Variants in IL9 observed in about 807,000 individuals in gnomAD.
The protein encoded by IL9 is interleukin-9.
IL9 carries 16 observed loss-of-function variants against 12.9 expected under a neutral mutation model. The ratio of observed to expected loss-of-function variants is 1.24; its 90% CI spans 0.84 to 1.88. The LOEUF (loss-of-function observed/expected upper bound fraction) is 1.88, where lower values mean the gene tolerates loss of function less well. Ranked by LOEUF, IL9 falls within the 40% of genes most tolerant of loss-of-function variation. The probability of loss-of-function intolerance (pLI) is 0.00; values close to 1 mark genes in which losing one functional copy is unlikely to be tolerated. For missense variants in IL9, 170 were observed against 173.1 expected, an observed-to-expected ratio of 0.98 and a Z score of 0.10; for synonymous variants, 69 against 63.8, an observed-to-expected ratio of 1.08 and a Z score of -0.39.
At chr5:135,895,369 G>A (rs543055457) in intron 3 of IL9, 71 bp downstream of exon 3, 20 of 1,252,104 alleles carry the variant, frequency 1.6e-5, no homozygotes, top group East Asian at 7.3e-5. Context: ...ATTAAATAAA[G>A]CAACTTATTT....
intron 3 of IL9, 140 bp from the exon 4 acceptor site, chr5:135,894,291 C>A (rs2069880): frequency 2.5e-6 from 2 of 802,570 alleles, no homozygotes; most frequent in Non-Finnish European, 3.8e-6. Context: ...AGGTCCCTTG[C>A]CAATGTAGGA....
chr5:135,893,098 G>A (rs1300211594), intron 4 of IL9, among the ~76,000 whole-genome samples: 2 of 152,196 alleles, frequency 1.3e-5, no homozygotes, highest in Non-Finnish European at 1.5e-5. Context: ...TGGTAGAAAC[G>A]CATGCAGCTA....
chr5:135,892,733 TACACACAC>T (rs59978451), intron 4 of IL9, among the ~76,000 whole-genome samples: 1,964 of 137,846 alleles, frequency 0.014, 36 homozygotes, highest in Middle Eastern at 0.038. Context: ...CAGGGGTCTT[TACACACAC>T]ACACACACAC....
At chr5:135,892,555 T>C (rs1463963511) in intron 4 of IL9, 45 bp from the exon 5 acceptor site, 3 of 1,573,954 alleles carry the variant, frequency 1.9e-6, no homozygotes, top group Non-Finnish European at 2.6e-6. Flanking sequence ...TCAAATGATG[T>C]AGAGCCAAGC....
intron 3 of IL9, 21 bp downstream of exon 3, chr5:135,895,419 A>G (rs949285839): frequency 1.3e-6 from 2 of 1,598,782 alleles, no homozygotes; most frequent in Admixed American, 1.8e-5. Flanking sequence ...GGTCAACATT[A>G]TGTTATTTCA....
At position 135,895,743 on chromosome 5, in the gene IL9, G is replaced by A. The variant is rs1467471774; in HGVS notation, c.74C>T (p.Ala25Val). ...SVAGQGCPTLAGILDINFLIN... is the reference protein window; with the variant it reads ...SVAGQGCPTLVGILDINFLIN... The stretch of plus-strand genomic sequence containing the variant: ...GAGGAAGTTGATGTCCAGGATCCCC[G>A]CCAAGGTTGGACACCCCTGGCCTGC... The change falls in exon 1 of 5, where the codon GCG (alanine) becomes GTG (valine). Residue 25 changes from alanine (A) to valine (V), a missense_variant. By Grantham distance (64) the Ala-to-Val change is moderately conservative (BLOSUM62 0). Coordinates refer to ENST00000274520, the MANE Select transcript of IL9 (RefSeq NM_000590.2). The A allele has an allele frequency of 4.3e-6, 7 of 1,613,956 alleles. No homozygotes were observed. Among genetic ancestry groups the A allele is most frequent in the South Asian group, 3.3e-5 (3 of 91,058 alleles).
At chr5:135,892,576 G>A in intron 4 of IL9, 66 bp from the exon 5 acceptor site, 1 of 1,527,556 alleles carries the variant, frequency 6.5e-7, no homozygotes, top group Non-Finnish European at 8.8e-7. Flanking sequence ...AGCCCCAGAA[G>A]CCTACCTGCC....
chr5:135,893,141 G>A (rs1331957720), intron 4 of IL9, among the ~76,000 whole-genome samples: 2 of 152,174 alleles, frequency 1.3e-5, no homozygotes, highest in East Asian at 3.9e-4. Flanking sequence ...AGCCTTCTAG[G>A]ATCTTGTGTG....
intron 3 of IL9, 111 bp downstream of exon 3, chr5:135,895,329 T>G: frequency 2.3e-6 from 2 of 873,972 alleles, no homozygotes; most frequent in South Asian, 3.6e-5. Flanking sequence ...CTGTAACAAT[T>G]AAATTAAGCA....
rs1322805074 is a variant in IL9, at chr5:135,895,694, G to T, written c.114+9C>A. Reference sequence around the variant, plus strand: ...GCTGTCTTTCCCATGGGCTCCCCCTGCAGCCTACCTGCATCTTGTTGATGA... The same window carrying T: ...GCTGTCTTTCCCATGGGCTCCCCCTTCAGCCTACCTGCATCTTGTTGATGA... On this transcript the variant is annotated intron_variant, in intron 1 of 4. Coordinates refer to ENST00000274520, the MANE Select transcript of IL9 (RefSeq NM_000590.2). The T allele has an allele frequency of 3.1e-6, 5 of 1,610,240 alleles. No homozygotes were observed. The highest frequency in any genetic ancestry group is 4.2e-6 in the Non-Finnish European group (5 of 1,176,582).
intron 4 of IL9, among the ~76,000 whole-genome samples, chr5:135,892,721 T>G (rs1762886460): frequency 7.1e-6 from 1 of 140,884 alleles, no homozygotes; most frequent in South Asian, 2.3e-4. Context: ...CAAATTGGAT[T>G]TCAGGGGTCT....
chr5:135,892,773 CACA>C (rs1561570699), intron 4 of IL9, among the ~76,000 whole-genome samples: 13 of 150,954 alleles, frequency 8.6e-5, no homozygotes, highest in African/African-American at 3.2e-4. Flanking sequence ...CACACACACA[CACA>C]CACCCCTATT....
At chr5:135,892,777 CA>C (rs1561570711) in intron 4 of IL9, among the ~76,000 whole-genome samples, 132 of 140,290 alleles carry the variant, frequency 9.4e-4, no homozygotes, top group East Asian at 2.9e-3. Flanking sequence ...CACACACACA[CA>C]CCCCTATTAA....
chr5:135,894,202 G>A, intron 3 of IL9, 51 bp from the exon 4 acceptor site: 1 of 1,537,310 alleles, frequency 6.5e-7, no homozygotes, highest in Non-Finnish European at 8.9e-7. Context: ...GACAGCTTTG[G>A]AAATATATCA....
At chr5:135,894,215 A>C in intron 3 of IL9, 64 bp from the exon 4 acceptor site, 1 of 1,460,922 alleles carries the variant, frequency 6.8e-7, no homozygotes, top group Non-Finnish European at 9.5e-7. Flanking sequence ...ATATATCACA[A>C]AGAGCAATAT....
At chr5:135,895,182 T>C (rs756845527) in intron 3 of IL9, among the ~76,000 whole-genome samples, 1 of 152,206 alleles carries the variant, frequency 6.6e-6, no homozygotes, top group Non-Finnish European at 1.5e-5. Flanking sequence ...CTTTTTTTAA[T>C]GTTGAAAAGT....
At chr5:135,894,292 C>A in intron 3 of IL9, 141 bp from the exon 4 acceptor site, 1 of 799,518 alleles carries the variant, frequency 1.3e-6, no homozygotes, top group Non-Finnish European at 1.9e-6. Flanking sequence ...GGTCCCTTGC[C>A]AATGTAGGAA....
chr5:135,892,557 G>A (rs750379954), intron 4 of IL9, 47 bp from the exon 5 acceptor site: 1 of 1,568,500 alleles, frequency 6.4e-7, no homozygotes, highest in Non-Finnish European at 8.6e-7. Context: ...AAATGATGTA[G>A]AGCCAAGCAG....
rs1377923400 is a variant in IL9, at chr5:135,895,488, C to T, written c.151-16G>A. ...AACTGGTCACCTGCAAGGGAAATTTCAGAGTGAAGATTCCAGATGTGAAAA... is the reference window on the plus strand; with the variant it reads ...AACTGGTCACCTGCAAGGGAAATTTTAGAGTGAAGATTCCAGATGTGAAAA... On this transcript the variant is annotated splice_polypyrimidine_tract_variant and intron_variant, in intron 2 of 4. Coordinates refer to ENST00000274520, the MANE Select transcript of IL9 (RefSeq NM_000590.2). The T allele has an allele frequency of 1.9e-6, 3 of 1,613,866 alleles. No individual in the cohort carries two copies. Among genetic ancestry groups the T allele is most frequent in the African/African-American group, 2.7e-5 (2 of 74,928 alleles).
Sources: allele counts gnomAD v4.1 joint callset (sites outside exome capture counted in the v4.1 genomes callset), GRCh38; gene constraint gnomAD v4.1.1; transcripts MANE v1.5; gene names NCBI Gene and HGNC (gene_info 2026-07-23, HGNC 2026-07-21).